LINGO2: variants seen among roughly 807,000 people sequenced by gnomAD.
LINGO2 encodes leucine-rich repeat and immunoglobulin-like domain-containing nogo receptor-interacting protein 2.
In LINGO2, 14 loss-of-function variants were observed where a neutral mutation model predicts 30.6. That is an observed-to-expected ratio of 0.46 (90% CI 0.30 to 0.72). The LOEUF (loss-of-function observed/expected upper bound fraction) is 0.72, where lower values mean the gene tolerates loss of function less well. LINGO2 is among the 30% of genes least tolerant of loss of function. The pLI is 0.07. For missense variants in LINGO2, 729 were observed against 751.7 expected (o/e 0.97, Z 0.35); for synonymous variants, 317 against 288.5 (o/e 1.10, Z -1.00).
the LINGO2 span, among the ~76,000 whole-genome samples, chr9:29,038,046 T>G: frequency 6.6e-6 from 1 of 152,024 alleles, no homozygotes; most frequent in Non-Finnish European, 1.5e-5. Flanking sequence ...ATATTTTGAT[T>G]TTTTTCCAGA....
chr9:28,775,104 T>C, the LINGO2 span, among the ~76,000 whole-genome samples: 30 of 152,220 alleles, frequency 2.0e-4, no homozygotes, highest in South Asian at 6.2e-3. Flanking sequence ...AAAGTGAGCA[T>C]AGGAGGCAAA....
At chr9:28,499,823 C>A (rs1417601800) in intron 1 of LINGO2, among the ~76,000 whole-genome samples, 2 of 152,174 alleles carry the variant, frequency 1.3e-5, no homozygotes, top group Non-Finnish European at 2.9e-5. Flanking sequence ...CCATTTCTCA[C>A]AGGAAGCCTT....
At chr9:28,483,431 G>A (rs557235686) in intron 1 of LINGO2, among the ~76,000 whole-genome samples, 5 of 152,058 alleles carry the variant, frequency 3.3e-5, no homozygotes, top group Admixed American at 2.0e-4. Context: ...CTCTGCAAAT[G>A]ATGTTTTGTA....
chr9:28,034,860 C>CT (rs1282316144), intron 4 of LINGO2, among the ~76,000 whole-genome samples: 6 of 152,184 alleles, frequency 3.9e-5, no homozygotes, highest in African/African-American at 1.2e-4. Context: ...TCTTCAGAAG[C>CT]AAACCAAAAT....
intron 4 of LINGO2, among the ~76,000 whole-genome samples, chr9:28,099,660 T>A (rs1826352260): frequency 6.6e-6 from 1 of 152,212 alleles, no homozygotes; most frequent in Non-Finnish European, 1.5e-5. Context: ...GAAGCAAGAA[T>A]GATTTTTAAA....
At chr9:28,879,559 C>T in the LINGO2 span, among the ~76,000 whole-genome samples, 1 of 152,004 alleles carries the variant, frequency 6.6e-6, no homozygotes, top group Non-Finnish European at 1.5e-5. Context: ...CCTTTTTTTC[C>T]AGTCATTCTC....
chr9:28,253,614 C>A (rs1236376976), intron 4 of LINGO2, among the ~76,000 whole-genome samples: 2 of 152,066 alleles, frequency 1.3e-5, no homozygotes, highest in African/African-American at 4.8e-5. Flanking sequence ...AAAGTCTTTT[C>A]TCAGATTTGA....
At chr9:28,545,779 C>T (rs568198000) in intron 1 of LINGO2, among the ~76,000 whole-genome samples, 1 of 151,966 alleles carries the variant, frequency 6.6e-6, no homozygotes, top group African/African-American at 2.4e-5. Flanking sequence ...GGTATACTTA[C>T]TGTATATTGT....
intron 2 of LINGO2, among the ~76,000 whole-genome samples, chr9:28,467,979 G>A (rs747118198): frequency 5.9e-5 from 9 of 152,100 alleles, no homozygotes; most frequent in Non-Finnish European, 1.2e-4. Context: ...CATTCACAAT[G>A]TATTTTGTTA....
chr9:28,955,387 C>G, the LINGO2 span, among the ~76,000 whole-genome samples: 1 of 152,122 alleles, frequency 6.6e-6, no homozygotes, highest in Non-Finnish European at 1.5e-5. Flanking sequence ...GGCTGATTGA[C>G]TATGGATGCA....
chr9:27,993,258 C>A (rs1486685340), intron 5 of LINGO2, among the ~76,000 whole-genome samples: 2 of 152,034 alleles, frequency 1.3e-5, no homozygotes, highest in African/African-American at 2.4e-5. Flanking sequence ...TAAGAAATAG[C>A]TTTTCTTTCT....
intron 2 of LINGO2, among the ~76,000 whole-genome samples, chr9:28,408,774 CAAA>C (rs68142692): frequency 7.8e-5 from 10 of 127,562 alleles, no homozygotes; most frequent in African/African-American, 2.9e-4. Flanking sequence ...TATAAAAAAA[CAAA>C]AAAAAAAAAA....
At chr9:29,144,930 T>C in the LINGO2 span, among the ~76,000 whole-genome samples, 2 of 152,228 alleles carry the variant, frequency 1.3e-5, no homozygotes, top group Admixed American at 1.3e-4. Context: ...TATTGCTTTT[T>C]TTCATTTTTT....
chr9:27,974,192 C>T (rs1820485756), intron 5 of LINGO2, among the ~76,000 whole-genome samples: 1 of 152,078 alleles, frequency 6.6e-6, no homozygotes, highest in Admixed American at 6.6e-5. Context: ...TACTTTATGG[C>T]CCTGAGAGGA....
intron 4 of LINGO2, among the ~76,000 whole-genome samples, chr9:28,235,196 T>C (rs1476821569): frequency 6.6e-6 from 1 of 152,190 alleles, no homozygotes; most frequent in East Asian, 1.9e-4. Flanking sequence ...TCTCTACATT[T>C]GGGAGAAAGT....
intron 4 of LINGO2, among the ~76,000 whole-genome samples, chr9:28,200,620 T>C (rs1820195489): frequency 6.6e-6 from 1 of 152,202 alleles, no homozygotes; most frequent in Non-Finnish European, 1.5e-5. Context: ...TTATGGAAGA[T>C]ATTATTGATA....
chr9:28,336,724 T>C (rs1279970019), intron 3 of LINGO2, among the ~76,000 whole-genome samples: 3 of 152,254 alleles, frequency 2.0e-5, no homozygotes, highest in Non-Finnish European at 4.4e-5. Flanking sequence ...TAAATGTATG[T>C]GCATCTGGGT....
At chr9:28,770,214 C>T in the LINGO2 span, among the ~76,000 whole-genome samples, 2 of 152,188 alleles carry the variant, frequency 1.3e-5, no homozygotes, top group African/African-American at 4.8e-5. Flanking sequence ...TTTAGATCTT[C>T]TTACTGGGTG....
chr9:28,589,538 A>C (rs1824758532), intron 1 of LINGO2, among the ~76,000 whole-genome samples: 1 of 152,066 alleles, frequency 6.6e-6, no homozygotes, highest in South Asian at 2.1e-4. Flanking sequence ...TCATCAGTGA[A>C]CTCCCATTCA....
Sources: gnomAD v4.1 joint callset for allele counts (sites outside exome capture counted in the v4.1 genomes callset) on GRCh38, gnomAD v4.1.1 for gene constraint, MANE v1.5 for transcripts, NCBI Gene and HGNC (gene_info 2026-07-23, HGNC 2026-07-21) for gene names.